The following RXRG variants were observed in gnomAD, a reference collection of about 807,000 sequenced individuals.
The protein encoded by RXRG is retinoid X receptor gamma.
Under a neutral mutation model 49.2 loss-of-function variants are expected in RXRG, and 19 were observed. The ratio of observed to expected loss-of-function variants is 0.39; its 90% CI spans 0.27 to 0.57. The LOEUF (loss-of-function observed/expected upper bound fraction) is 0.57, where lower values mean the gene tolerates loss of function less well. Ranked by LOEUF, RXRG falls within the 20% of genes least tolerant of loss-of-function variation. The pLI is 0.64. For synonymous variants in RXRG, 224 were observed against 216.6 expected (o/e 1.03, Z -0.30); for missense variants, 452 against 592.5 (o/e 0.76, Z 2.46).
chr1:165,413,535 T>C (rs573068972), intron 4 of RXRG, among the ~76,000 whole-genome samples: 21 of 152,198 alleles, frequency 1.4e-4, no homozygotes, highest in African/African-American at 5.1e-4. Flanking sequence ...CCTGGGCCCA[T>C]CTCTAACCTC....
At chr1:165,425,867 C>G (rs559006225) in intron 2 of RXRG, among the ~76,000 whole-genome samples, 1 of 152,344 alleles carries the variant, frequency 6.6e-6, no homozygotes, top group South Asian at 2.1e-4. Context: ...CAAGATTACC[C>G]GGGAGCACTG....
intron 1 of RXRG, among the ~76,000 whole-genome samples, chr1:165,433,929 G>C (rs1658753244): frequency 6.6e-6 from 1 of 152,178 alleles, no homozygotes; most frequent in African/African-American, 2.4e-5. Context: ...GACTCCAAAA[G>C]TCCCTGTGTG....
At chr1:165,412,250 A>C (rs1657977919) in intron 4 of RXRG, among the ~76,000 whole-genome samples, 1 of 152,214 alleles carries the variant, frequency 6.6e-6, no homozygotes, top group Non-Finnish European at 1.5e-5. Flanking sequence ...CAAAAACACA[A>C]CTTATGCTCC....
intron 1 of RXRG, among the ~76,000 whole-genome samples, chr1:165,438,419 C>T (rs1335474301): frequency 6.6e-6 from 1 of 152,132 alleles, no homozygotes; most frequent in African/African-American, 2.4e-5. Flanking sequence ...GGATACTTAA[C>T]TTGCATCAAC....
At chr1:165,423,683 T>C (rs1304904086) in intron 2 of RXRG, among the ~76,000 whole-genome samples, 1 of 136,184 alleles carries the variant, frequency 7.3e-6, no homozygotes, top group African/African-American at 2.8e-5. Context: ...TCCCCATTTC[T>C]AGGTGAGTGT....
chr1:165,406,781 T>C (rs1007995133), intron 9 of RXRG, 31 bp downstream of exon 9: 1 of 1,490,546 alleles, frequency 6.7e-7, no homozygotes, highest in African/African-American at 1.4e-5. Flanking sequence ...TAGTTGCTGC[T>C]GTTACTACGA....
At chr1:165,409,962 A>G (rs1657891001) in intron 6 of RXRG, among the ~76,000 whole-genome samples, 1 of 151,418 alleles carries the variant, frequency 6.6e-6, no homozygotes. Context: ...TTTTTTTTTA[A>G]TCAGTCAACA....
chr1:165,411,996 C>T (rs1657966429), intron 4 of RXRG, among the ~76,000 whole-genome samples: 5 of 152,112 alleles, frequency 3.3e-5, no homozygotes, highest in Admixed American at 3.3e-4. Context: ...TCCCCAAAGT[C>T]AAGAAAATTA....
At chr1:165,440,464 A>G (rs973373158) in intron 1 of RXRG, among the ~76,000 whole-genome samples, 1 of 152,228 alleles carries the variant, frequency 6.6e-6, no homozygotes, top group African/African-American at 2.4e-5. Flanking sequence ...TTGAGCATCT[A>G]TAATCCAGAA....
intron 1 of RXRG, among the ~76,000 whole-genome samples, chr1:165,429,296 C>T (rs1328571198): frequency 6.6e-6 from 1 of 152,168 alleles, no homozygotes; most frequent in Non-Finnish European, 1.5e-5. Flanking sequence ...GTGACTGAGG[C>T]CTGGGCCAGC....
chr1:165,408,149 C>T (rs1000114227), intron 8 of RXRG, 78 bp downstream of exon 8: 10 of 1,095,212 alleles, frequency 9.1e-6, no homozygotes, highest in Non-Finnish European at 1.4e-5. Context: ...GATGGAGGAC[C>T]AATAACATGG....
At chr1:165,409,711 T>C in intron 6 of RXRG, 21 bp from the exon 7 acceptor site, 1 of 1,460,636 alleles carries the variant, frequency 6.8e-7, no homozygotes, top group Non-Finnish European at 9.1e-7. Context: ...AAGGAGGAGG[T>C]CTTGAGGGAA....
chr1:165,404,925 A>G (rs1657697335), intron 9 of RXRG, among the ~76,000 whole-genome samples: 2 of 152,158 alleles, frequency 1.3e-5, no homozygotes, highest in East Asian at 3.9e-4. Context: ...CACCTGGCTA[A>G]TTTTTGTATT....
chr1:165,408,090 A>T (rs1376358128), intron 8 of RXRG, 137 bp downstream of exon 8: 5 of 707,318 alleles, frequency 7.1e-6, no homozygotes. Context: ...TCTAGCTGAC[A>T]CTGTGAGCTC....
chr1:165,406,354 G>A (rs1457607276), intron 9 of RXRG, among the ~76,000 whole-genome samples: 1 of 152,198 alleles, frequency 6.6e-6, no homozygotes, highest in Non-Finnish European at 1.5e-5. Flanking sequence ...CCTACTGCAT[G>A]GGGGTTTCTA....
At chr1:165,429,323 G>T (rs797006197) in intron 1 of RXRG, among the ~76,000 whole-genome samples, 8 of 152,316 alleles carry the variant, frequency 5.3e-5, no homozygotes, top group African/African-American at 1.9e-4. Flanking sequence ...GGGAAGGTGA[G>T]TCTATACCAA....
chr1:165,424,823 C>T, intron 2 of RXRG: 1 of 985,482 alleles, frequency 1.0e-6, no homozygotes, highest in Non-Finnish European at 1.2e-6. Context: ...GTGAGGAAGG[C>T]AGGATGCATA....
chr1:165,444,311 T>C lies in RXRG; in HGVS notation c.49+534A>G, dbSNP rs191751655. 3.3e-3 allele frequency among the ~76,000 whole-genome samples: 505 copies of C among 152,288 alleles called. 1 individual carries two copies. The highest frequency in any genetic ancestry group is 0.01 in the Middle Eastern group (3 of 294). ...AGAAAACAGGGGAAGGAAAACACAG[T>C]AGCAAATTAAAGCACTATGTTTTCT... On this transcript the variant is annotated intron_variant, in intron 1 of 9. Transcript: ENST00000359842.
At chr1:165,419,500 C>T (rs1658239683) in intron 3 of RXRG, among the ~76,000 whole-genome samples, 1 of 151,930 alleles carries the variant, frequency 6.6e-6, no homozygotes, top group Non-Finnish European at 1.5e-5. Flanking sequence ...AAGCTATCCT[C>T]CCACCTCAGC....
Sources: gnomAD v4.1 joint callset for allele counts (sites outside exome capture counted in the v4.1 genomes callset) on GRCh38, gnomAD v4.1.1 for gene constraint, MANE v1.5 for transcripts, NCBI Gene and HGNC (gene_info 2026-07-23, HGNC 2026-07-21) for gene names.